The following B4GALNT3 variants were observed in gnomAD, a reference collection of about 807,000 sequenced individuals.
B4GALNT3 encodes the protein beta-1,4-N-acetylgalactosaminyltransferase 3.
In B4GALNT3, 86 loss-of-function variants were observed where a neutral mutation model predicts 120.2. The observed-to-expected ratio is 0.72, with a 90% CI of 0.60 to 0.86. The LOEUF (loss-of-function observed/expected upper bound fraction) is 0.86, where lower values mean the gene tolerates loss of function less well. Among genes scored for constraint, B4GALNT3 ranks in the 40% least tolerant of loss-of-function variants. B4GALNT3 has a pLI of 0.00. For synonymous variants in B4GALNT3, 518 were observed against 510.4 expected, an observed-to-expected ratio of 1.01 and a Z score of -0.20; for missense variants, 1,167 against 1,298.9, an observed-to-expected ratio of 0.90 and a Z score of 1.56.
chr12:541,824 G>T (rs1946918864), intron 3 of B4GALNT3, among the ~76,000 whole-genome samples: 1 of 133,506 alleles, frequency 7.5e-6, no homozygotes, highest in Non-Finnish European at 1.6e-5. Context: ...TCCTCTCCCT[G>T]CCCAGTCCCC....
At position 561,523 on chromosome 12, in the gene B4GALNT3, T is replaced by C. The variant is rs1565614113; in HGVS notation, c.*72T>C. ...GTGGCTCCCCAGGGCCCTGCTACTG[T>C]TCAGGGATGGGGAGTGGGGTGACGG... On this transcript the variant is annotated 3_prime_UTR_variant, in exon 20 of 20. Transcript: ENST00000266383. The C allele has an allele frequency of 2.4e-6, 3 of 1,249,336 alleles. No homozygotes were observed. The highest frequency in any genetic ancestry group is 3.4e-6 in the Non-Finnish European group (3 of 881,804). The allele number at this position is 1,249,336 out of a possible 1,614,324, so 77.4% of individuals were successfully genotyped here. A position where few individuals can be genotyped will look rare whatever the true frequency, so the allele number is the denominator to read the frequency against.
intron 1 of B4GALNT3, among the ~76,000 whole-genome samples, chr12:502,864 C>G (rs552988560): frequency 6.6e-6 from 1 of 152,284 alleles, no homozygotes; most frequent in South Asian, 2.1e-4. Flanking sequence ...AGCAATCCTA[C>G]CACCTCAGCC....
chr12:497,614 C>A (rs997845878), intron 1 of B4GALNT3, among the ~76,000 whole-genome samples: 5 of 152,136 alleles, frequency 3.3e-5, no homozygotes, highest in Non-Finnish European at 7.4e-5. Flanking sequence ...GTTTTCATTT[C>A]TTTTGGGTAT....
chr12:543,232 G>A lies in B4GALNT3; in HGVS notation c.352-1107G>A, dbSNP rs1946940128. On this transcript the variant is annotated intron_variant, in intron 3 of 19. Transcript: ENST00000266383. ...TTCCTGAAAGAAGTGCTGGGTGCTG[G>A]GCTGGGAATGGGATAGAGTGGGCCG... The A allele has an allele frequency of 3.9e-6, 5 of 1,276,318 alleles. No individual in the cohort carries two copies. The South Asian group carries it at 5.0e-5, about 13-fold the overall frequency. 79.1% of individuals were successfully genotyped at this position (1,276,318 alleles called of 1,614,324 possible).
chr12:539,516 T>C (rs1475358789), intron 3 of B4GALNT3, among the ~76,000 whole-genome samples: 2 of 150,624 alleles, frequency 1.3e-5, no homozygotes, highest in Non-Finnish European at 2.9e-5. Context: ...GACTCCTTCC[T>C]GTTCTCAGCC....
chr12:537,182 C>T (rs920628303), intron 3 of B4GALNT3, among the ~76,000 whole-genome samples: 5 of 152,182 alleles, frequency 3.3e-5, no homozygotes, highest in Non-Finnish European at 7.3e-5. Flanking sequence ...CTGGGAAACT[C>T]TGCTTTAGAA....
intron 1 of B4GALNT3, among the ~76,000 whole-genome samples, chr12:524,614 G>A (rs947257263): frequency 3.3e-5 from 5 of 149,856 alleles, no homozygotes; most frequent in Admixed American, 2.7e-4. Flanking sequence ...AAAAGGGTCT[G>A]TGTGAGATAC....
intron 1 of B4GALNT3, among the ~76,000 whole-genome samples, chr12:467,666 C>A (rs1946094787): frequency 6.6e-6 from 1 of 152,098 alleles, no homozygotes; most frequent in African/African-American, 2.4e-5. Context: ...CACTTTTTTG[C>A]CTTTAGGCAC....
chr12:547,588 G>A (rs776872833), intron 7 of B4GALNT3, among the ~76,000 whole-genome samples: 1 of 152,206 alleles, frequency 6.6e-6, no homozygotes, highest in Non-Finnish European at 1.5e-5. Context: ...AGAGCAGCTG[G>A]TGCGTGGTCC....
intron 14 of B4GALNT3, chr12:555,448 T>C (rs1565611795): frequency 2.2e-6 from 1 of 448,308 alleles, no homozygotes; most frequent in Non-Finnish European, 4.5e-6. Flanking sequence ...TGAGTAATAT[T>C]CTATTGTGTG....
chr12:554,761 G>GTCCGT, intron 14 of B4GALNT3, among the ~76,000 whole-genome samples: 1 of 99,328 alleles, frequency 1.0e-5, no homozygotes, highest in African/African-American at 4.4e-5. Context: ...CTGCACTCCA[G>GTCCGT]CCTGGGCGAC....
At chr12:540,151 C>T (rs576574857) in intron 3 of B4GALNT3, among the ~76,000 whole-genome samples, 9 of 152,304 alleles carry the variant, frequency 5.9e-5, no homozygotes, top group Non-Finnish European at 1.0e-4. Flanking sequence ...TCATGTCCTG[C>T]GATGGGCTTC....
At chr12:477,617 G>C (rs1170132991) in intron 1 of B4GALNT3, among the ~76,000 whole-genome samples, 1 of 152,202 alleles carries the variant, frequency 6.6e-6, no homozygotes, top group Non-Finnish European at 1.5e-5. Context: ...AAGGCAAATG[G>C]AGTCATGATT....
intron 1 of B4GALNT3, among the ~76,000 whole-genome samples, chr12:511,533 A>G (rs1223426607): frequency 8.3e-5 from 6 of 72,026 alleles, no homozygotes; most frequent in Non-Finnish European, 1.2e-4. Context: ...TCCACCTTCC[A>G]CCTTCTACCT....
Position 548,072 on chromosome 12 carries a change from TGAG to T in B4GALNT3, c.761_763del (p.Glu254del). On this transcript the variant is annotated inframe_deletion, in exon 8 of 20. Transcript: ENST00000266383. This position sits in a 1 kb window ranked among gnomAD's most constrained non-coding sequence, Gnocchi z 4.9. ...ACTTCGAGGTGCTGCACAAGCAGAATGAGGAGGGCACCGACCACGTGGAAGTTG... is the reference window on the plus strand; with the variant it reads ...ACTTCGAGGTGCTGCACAAGCAGAATGAGGGCACCGACCACGTGGAAGTTG... 1 of 1,613,818 alleles carries T rather than the reference TGAG, an allele frequency of 6.2e-7. No homozygotes were observed. The highest frequency in any genetic ancestry group is 8.5e-7 in the Non-Finnish European group (1 of 1,179,990).
intron 1 of B4GALNT3, among the ~76,000 whole-genome samples, chr12:491,933 C>G (rs914603629): frequency 5.3e-5 from 8 of 151,648 alleles, no homozygotes; most frequent in Admixed American, 2.6e-4. Context: ...TGGTGGGTGC[C>G]TGTAGTTCCA....
At chr12:551,398 C>A (rs1474261023) in intron 11 of B4GALNT3, among the ~76,000 whole-genome samples, 11 of 152,234 alleles carry the variant, frequency 7.2e-5, no homozygotes, top group Non-Finnish European at 1.6e-4. Context: ...GCAGGACTTA[C>A]TAAACCCAGA....
chr12:489,496 T>C (rs1439167144), intron 1 of B4GALNT3, among the ~76,000 whole-genome samples: 1 of 152,208 alleles, frequency 6.6e-6, no homozygotes, highest in Non-Finnish European at 1.5e-5. Flanking sequence ...AATTAAAAGA[T>C]GGAGATTGTC....
At chr12:514,460 G>A (rs1946632188) in intron 1 of B4GALNT3, among the ~76,000 whole-genome samples, 1 of 151,756 alleles carries the variant, frequency 6.6e-6, no homozygotes, top group Admixed American at 6.6e-5. Flanking sequence ...GCCTCCCAAA[G>A]TGCTGGGATT....
Sources: allele counts gnomAD v4.1 joint callset (sites outside exome capture counted in the v4.1 genomes callset), GRCh38; gene constraint gnomAD v4.1.1; non-coding constraint Gnocchi (gnomAD v3.1); transcripts MANE v1.5; gene names NCBI Gene and HGNC (gene_info 2026-07-23, HGNC 2026-07-21).